The following ROCK1 variants were observed in gnomAD, a reference collection of about 807,000 sequenced individuals.
The protein encoded by ROCK1 is Rho associated coiled-coil containing protein kinase 1.
Under a neutral mutation model 196.8 loss-of-function variants are expected in ROCK1, and 36 were observed. The ratio of observed to expected loss-of-function variants is 0.18; its 90% CI spans 0.14 to 0.24. The LOEUF (loss-of-function observed/expected upper bound fraction) is 0.24, where lower values mean the gene tolerates loss of function less well. ROCK1 is among the 10% of genes least tolerant of loss of function. The probability of loss-of-function intolerance (pLI) is 1.00; values close to 1 mark genes in which losing one functional copy is unlikely to be tolerated. For missense variants in ROCK1, 920 were observed against 1,562.0 expected (o/e 0.59, Z 6.93); for synonymous variants, 443 against 515.9 (o/e 0.86, Z 1.91).
Position 20,987,087 on chromosome 18 carries a change from C to A in ROCK1, c.2167G>T (p.Glu723Ter), listed in dbSNP as rs1367590040. 6.2e-7 allele frequency: 1 copy of A among 1,611,114 alleles called. No individual in the cohort carries two copies. The highest frequency in any genetic ancestry group is 1.3e-5 in the African/African-American group (1 of 74,732). Residue 723 changes from glutamate to a stop codon, truncating the protein, a stop_gained, in exon 19 of 33, where the codon GAA becomes TAA. Transcript: ENST00000399799. LOFTEE classifies it high-confidence loss of function. ...TCAGCCTTCTCTCGAGCTTCTCTTT[C>A]TTCTTTCAGCTTTTTTTCCATCTCT... is the stretch of plus-strand genomic sequence containing the variant. The part of the protein sequence containing the change: ...MCEMEKKLKE[E>*]REAREKAENR...
chr18:21,047,782 A>C (rs1024007645), intron 4 of ROCK1, among the ~76,000 whole-genome samples: 11 of 151,452 alleles, frequency 7.3e-5, no homozygotes, highest in Non-Finnish European at 1.5e-4. Flanking sequence ...TGGGCGACAG[A>C]GCGAGACTCC....
At chr18:21,018,554 A>C (rs1456429696) in intron 12 of ROCK1, among the ~76,000 whole-genome samples, 1 of 151,498 alleles carries the variant, frequency 6.6e-6, no homozygotes, top group Non-Finnish European at 1.5e-5. Context: ...AAAAATTTGG[A>C]TGTAGAGACT....
intron 18 of ROCK1, among the ~76,000 whole-genome samples, chr18:20,987,733 A>G (rs1188890377): frequency 6.6e-6 from 1 of 152,160 alleles, no homozygotes; most frequent in East Asian, 1.9e-4. Flanking sequence ...GTGCTTTCCC[A>G]CTCTTGGAGA....
intron 10 of ROCK1, among the ~76,000 whole-genome samples, chr18:21,026,623 C>G (rs1229321750): frequency 6.6e-6 from 1 of 152,056 alleles, no homozygotes; most frequent in Non-Finnish European, 1.5e-5. Context: ...TAAGTACTAT[C>G]TTACAGTGGA....
In ROCK1 at chr18:20,949,819, T is replaced by A. The variant is rs2035166412; in HGVS notation, c.*1565A>T. On this transcript the variant is annotated 3_prime_UTR_variant, in exon 33 of 33. Transcript: ENST00000399799. Reference sequence around the variant, plus strand: ...TATACAATCAGAGACTAATTTGAAGTATGTTTTCCATTCATTTCAGCCATG... The same window carrying A: ...TATACAATCAGAGACTAATTTGAAGAATGTTTTCCATTCATTTCAGCCATG... The A allele has an allele frequency of 6.5e-6, 1 of 152,672 alleles. No homozygotes were observed. Among genetic ancestry groups the A allele is most frequent in the South Asian group, 2.1e-4 (1 of 4,834 alleles). 9.5% of individuals were successfully genotyped at this position (152,672 alleles called of 1,614,324 possible).
At chr18:21,034,033 C>CA (rs777661024) in intron 9 of ROCK1, among the ~76,000 whole-genome samples, 487 of 42,940 alleles carry the variant, frequency 0.011, 4 homozygotes, top group Non-Finnish European at 0.016. Context: ...GACTCCATCT[C>CA]AAAAAAAAAA....
intron 9 of ROCK1, among the ~76,000 whole-genome samples, chr18:21,031,619 A>G (rs1032690312): frequency 6.6e-6 from 1 of 150,462 alleles, no homozygotes; most frequent in African/African-American, 2.4e-5. Context: ...AAAAAAAAAA[A>G]AAAAAAGAAA....
chr18:21,107,037 A>G (rs2036708913), intron 1 of ROCK1, among the ~76,000 whole-genome samples: 1 of 152,208 alleles, frequency 6.6e-6, no homozygotes, highest in South Asian at 2.1e-4. Flanking sequence ...AAGTCTAAAT[A>G]AGAAATTCAT....
At chr18:21,038,368 T>G (rs1296167711) in intron 9 of ROCK1, among the ~76,000 whole-genome samples, 1 of 152,176 alleles carries the variant, frequency 6.6e-6, no homozygotes, top group Non-Finnish European at 1.5e-5. Context: ...TGATGTTCTT[T>G]GTTGTATAAT....
intron 18 of ROCK1, among the ~76,000 whole-genome samples, chr18:20,990,098 A>T (rs2035610485): frequency 6.6e-6 from 1 of 152,024 alleles, no homozygotes; most frequent in South Asian, 2.1e-4. Flanking sequence ...AATAATTTTT[A>T]AAAATTGAAA....
chr18:21,099,543 A>T (rs2036640738), intron 1 of ROCK1, among the ~76,000 whole-genome samples: 1 of 152,026 alleles, frequency 6.6e-6, no homozygotes, highest in Middle Eastern at 3.2e-3. Context: ...TAGGAGTTTG[A>T]TCCTGGCCTA....
At chr18:21,006,016 T>C (rs139977056) in intron 16 of ROCK1, among the ~76,000 whole-genome samples, 69 of 152,308 alleles carry the variant, frequency 4.5e-4, no homozygotes, top group African/African-American at 1.6e-3. Context: ...GTTATATATT[T>C]TTAACAATTA....
intron 5 of ROCK1, 180 bp downstream of exon 5, chr18:21,045,112 C>T (rs1444625481): frequency 1.8e-5 from 8 of 433,198 alleles, no homozygotes; most frequent in African/African-American, 1.4e-4. Context: ...CTGCCTGCCT[C>T]GGCCTCCCAA....
intron 9 of ROCK1, among the ~76,000 whole-genome samples, chr18:21,029,170 C>T (rs544005831): frequency 6.6e-6 from 1 of 152,092 alleles, no homozygotes; most frequent in South Asian, 2.1e-4. Flanking sequence ...ATTATCTATA[C>T]CTTGGGTTTA....
rs1224254477 is a variant in ROCK1, at chr18:21,100,329, T to C, written c.93+10489A>G. 2.0e-5 allele frequency among the ~76,000 whole-genome samples: 3 copies of C among 151,412 alleles called. No homozygotes were observed. The East Asian group carries it at 5.8e-4, about 30-fold the overall frequency. On this transcript the variant is annotated intron_variant, in intron 1 of 32. Coordinates refer to ENST00000399799, the MANE Select transcript of ROCK1 (RefSeq NM_005406.3). ...TCCCCACCAAAAGGAAAGAGTTTCC[T>C]GGAGGAATGGCTGATTTCCAAGTCT...
chr18:21,006,863 A>C lies in ROCK1; in HGVS notation c.1547-73T>G, dbSNP rs987640424. ...GGAAACATATAAATCCTTTTTTAAAAAAAGACATTTAGTCTTAGGCCATAA... is the reference window on the plus strand; with the variant it reads ...GGAAACATATAAATCCTTTTTTAAACAAAGACATTTAGTCTTAGGCCATAA... On this transcript the variant is annotated intron_variant, in intron 14 of 32. Coordinates refer to ENST00000399799, the MANE Select transcript of ROCK1 (RefSeq NM_005406.3). The C allele has an allele frequency of 4.4e-6, 5 of 1,125,570 alleles. No homozygotes were observed. In the African/African-American group the frequency reaches 8.0e-5, roughly 18 times the overall value. The allele number at this position is 1,125,570 out of a possible 1,614,324, so 69.7% of individuals were successfully genotyped here.
In ROCK1 at chr18:20,949,869, A is replaced by G. The variant is rs1162862859; in HGVS notation, c.*1515T>C. 2.0e-5 allele frequency: 3 copies of G among 152,700 alleles called. No individual in the cohort carries two copies. Among genetic ancestry groups the G allele is most frequent in the Admixed American group, 2.0e-4 (3 of 15,284 alleles). The allele number at this position is 152,700 out of a possible 1,614,324, so 9.5% of individuals were successfully genotyped here. ...GAGAAAACACATTGCAGTAAAAATT[A>G]AAGATACCCATCCATAAATTACTTT... On this transcript the variant is annotated 3_prime_UTR_variant, in exon 33 of 33. Coordinates refer to ENST00000399799, the MANE Select transcript of ROCK1 (RefSeq NM_005406.3).
intron 2 of ROCK1, among the ~76,000 whole-genome samples, chr18:21,060,926 C>A (rs1052983427): frequency 6.8e-6 from 1 of 147,466 alleles, no homozygotes; most frequent in African/African-American, 2.5e-5. Context: ...TTGCCCCAAA[C>A]AGGAAATAAC....
chr18:21,003,585 C>T (rs1201816715), intron 16 of ROCK1, among the ~76,000 whole-genome samples: 1 of 151,882 alleles, frequency 6.6e-6, no homozygotes, highest in Non-Finnish European at 1.5e-5. Flanking sequence ...CAATGTGGTG[C>T]CTGATATGAG....
Sources: gnomAD v4.1 joint callset for allele counts (sites outside exome capture counted in the v4.1 genomes callset) on GRCh38, gnomAD v4.1.1 for gene constraint, MANE v1.5 for transcripts, NCBI Gene and HGNC (gene_info 2026-07-23, HGNC 2026-07-21) for gene names.